Variants in PHACTR1 observed in about 807,000 individuals in gnomAD.
PHACTR1 encodes the protein phosphatase and actin regulator 1, also known as RPEL repeat containing 1.
In PHACTR1, 16 loss-of-function variants were observed where a neutral mutation model predicts 69.2. The observed-to-expected ratio is 0.23, with a 90% CI of 0.16 to 0.35. The LOEUF (loss-of-function observed/expected upper bound fraction) is 0.35, where lower values mean the gene tolerates loss of function less well. Among genes scored for constraint, PHACTR1 ranks in the 10% least tolerant of loss-of-function variants. The pLI, the probability that PHACTR1 is intolerant of heterozygous loss-of-function variation, is 1.00. For synonymous variants in PHACTR1, 312 were observed against 284.5 expected (o/e 1.10, Z -0.97); for missense variants, 510 against 734.7 (o/e 0.69, Z 3.54).
intron 4 of PHACTR1, among the ~76,000 whole-genome samples, chr6:12,907,955 C>G (rs1198734842): frequency 6.6e-6 from 1 of 152,136 alleles, no homozygotes; most frequent in Admixed American, 6.6e-5. Flanking sequence ...ATTATTATTT[C>G]ACAATATAAA....
At chr6:12,955,291 TG>T (rs1008629263) in intron 4 of PHACTR1, among the ~76,000 whole-genome samples, 14 of 150,544 alleles carry the variant, frequency 9.3e-5, no homozygotes, top group African/African-American at 2.9e-4. Context: ...TTTGACCTCC[TG>T]GGCTCAAGGG....
intron 4 of PHACTR1, among the ~76,000 whole-genome samples, chr6:13,014,662 C>T (rs1016775927): frequency 6.6e-6 from 1 of 151,574 alleles, no homozygotes; most frequent in Non-Finnish European, 1.5e-5. Context: ...TAAAACATGG[C>T]TGTGATTTTT....
chr6:12,898,230 G>A lies in PHACTR1; in HGVS notation c.250+148440G>A, dbSNP rs182521554. 4.0e-3 allele frequency among the ~76,000 whole-genome samples: 607 copies of A among 151,896 alleles called. 2 individuals are homozygous for A. Among genetic ancestry groups the A allele is most frequent in the African/African-American group, 0.013 (544 of 41,410 alleles). On this transcript the variant is annotated intron_variant, in intron 4 of 14. Coordinates refer to ENST00000332995, the MANE Select transcript of PHACTR1 (RefSeq NM_030948.6). ...TCTCCTAAACCTTATGTTTACACAC[G>A]GTCCTGCCCTCTACCATTTTCTCTT... is the stretch of plus-strand genomic sequence containing the variant.
Position 13,272,846 on chromosome 6 carries a change from G to T in PHACTR1, c.1392-14G>T, listed in dbSNP as rs1160611635. 1 of 1,613,926 alleles carries T rather than the reference G, an allele frequency of 6.2e-7. No individual in the cohort carries two copies. Among genetic ancestry groups the T allele is most frequent in the Admixed American group, 1.7e-5 (1 of 60,010 alleles). On this transcript the variant is annotated splice_polypyrimidine_tract_variant and intron_variant, in intron 10 of 14. Coordinates refer to ENST00000332995, the MANE Select transcript of PHACTR1 (RefSeq NM_030948.6). ...TGATATGGTCCAAAAACTTTTCCTGGATTTTTTCCGTAGGCGGCTGAGCCA... is the reference window on the plus strand; with the variant it reads ...TGATATGGTCCAAAAACTTTTCCTGTATTTTTTCCGTAGGCGGCTGAGCCA...
chr6:12,809,660 GC>G (rs1561903090), intron 4 of PHACTR1, among the ~76,000 whole-genome samples: 1 of 152,252 alleles, frequency 6.6e-6, no homozygotes, highest in Non-Finnish European at 1.5e-5. Flanking sequence ...GGAATATTAT[GC>G]CCACTAATAA....
intron 4 of PHACTR1, among the ~76,000 whole-genome samples, chr6:12,756,457 A>G (rs552504813): frequency 2.0e-5 from 3 of 152,318 alleles, no homozygotes; most frequent in East Asian, 1.9e-4. Context: ...AGTCTTCTAT[A>G]TAATGAAGGG....
At chr6:12,892,258 T>C (rs892886307) in intron 4 of PHACTR1, among the ~76,000 whole-genome samples, 22 of 152,230 alleles carry the variant, frequency 1.4e-4, no homozygotes, top group African/African-American at 5.3e-4. Flanking sequence ...AAGAAAATTA[T>C]CCTCTTTGTA....
chr6:13,163,565 T>A (rs953192261), intron 6 of PHACTR1, among the ~76,000 whole-genome samples: 24 of 152,220 alleles, frequency 1.6e-4, no homozygotes, highest in African/African-American at 5.8e-4. Flanking sequence ...AATGAAAACT[T>A]CGTTGCACAT....
chr6:13,222,978 T>C (rs1199605634), intron 8 of PHACTR1, among the ~76,000 whole-genome samples: 1 of 152,254 alleles, frequency 6.6e-6, no homozygotes, highest in Non-Finnish European at 1.5e-5. Context: ...TAATATTTTA[T>C]TGAATATTGT....
intron 4 of PHACTR1, among the ~76,000 whole-genome samples, chr6:13,020,969 A>G (rs1800884749): frequency 6.6e-6 from 1 of 152,162 alleles, no homozygotes; most frequent in African/African-American, 2.4e-5. Context: ...GACGGGTTGT[A>G]GTATTTCCTG....
At chr6:12,883,130 T>A (rs182781234) in intron 4 of PHACTR1, among the ~76,000 whole-genome samples, 2 of 151,720 alleles carry the variant, frequency 1.3e-5, no homozygotes, top group Admixed American at 1.3e-4. Context: ...GACAAGAGGA[T>A]CCCCCCACCC....
intron 5 of PHACTR1, among the ~76,000 whole-genome samples, chr6:13,137,411 C>T (rs1424068753): frequency 3.3e-5 from 5 of 152,098 alleles, no homozygotes; most frequent in Non-Finnish European, 5.9e-5. Context: ...TGAAGAAACT[C>T]GGTATGTGGT....
At chr6:12,728,881 A>G (rs962360346) in intron 3 of PHACTR1, among the ~76,000 whole-genome samples, 5 of 152,234 alleles carry the variant, frequency 3.3e-5, no homozygotes, top group African/African-American at 1.2e-4. Flanking sequence ...CCATTTAAGG[A>G]GTAATATTAA....
At chr6:13,211,888 C>A (rs1220503571) in intron 8 of PHACTR1, among the ~76,000 whole-genome samples, 1 of 152,196 alleles carries the variant, frequency 6.6e-6, no homozygotes, top group Non-Finnish European at 1.5e-5. Flanking sequence ...TCGTGACTGT[C>A]TTTGTCTGCA....
chr6:12,727,524 T>C (rs764616190), intron 3 of PHACTR1, among the ~76,000 whole-genome samples: 4 of 151,934 alleles, frequency 2.6e-5, no homozygotes, highest in Non-Finnish European at 5.9e-5. Context: ...GGAGAGAAAA[T>C]GAGAGAACGA....
chr6:12,722,459 G>C (rs994176716), intron 3 of PHACTR1, among the ~76,000 whole-genome samples: 5 of 152,172 alleles, frequency 3.3e-5, no homozygotes, highest in Non-Finnish European at 7.3e-5. Context: ...GATCCACACA[G>C]AGTTGTTTCT....
At chr6:13,024,011 A>G (rs187092864) in intron 4 of PHACTR1, among the ~76,000 whole-genome samples, 11 of 151,292 alleles carry the variant, frequency 7.3e-5, no homozygotes, top group African/African-American at 2.4e-4. Flanking sequence ...CCGGAGGCAG[A>G]GGTTGGAGTG....
intron 4 of PHACTR1, among the ~76,000 whole-genome samples, chr6:12,980,202 G>C (rs1361214920): frequency 1.3e-5 from 2 of 152,194 alleles, no homozygotes; most frequent in Non-Finnish European, 2.9e-5. Flanking sequence ...TACAGAAAAA[G>C]AAGCATGGAG....
intron 4 of PHACTR1, among the ~76,000 whole-genome samples, chr6:13,014,008 T>C (rs1411987798): frequency 6.6e-6 from 1 of 151,986 alleles, no homozygotes; most frequent in Non-Finnish European, 1.5e-5. Context: ...TTTTATTTGC[T>C]GAGGATGAAG....
Sources: gnomAD v4.1 joint callset for allele counts (sites outside exome capture counted in the v4.1 genomes callset) on GRCh38, gnomAD v4.1.1 for gene constraint, MANE v1.5 for transcripts, NCBI Gene and HGNC (gene_info 2026-07-23, HGNC 2026-07-21) for gene names.